Variants in KCNJ3 observed in about 807,000 individuals in gnomAD.
KCNJ3 encodes G protein-activated inward rectifier potassium channel 1.
In KCNJ3, 4 loss-of-function variants were observed where a neutral mutation model predicts 39.2. The ratio of observed to expected loss-of-function variants is 0.10; its 90% CI spans 0.05 to 0.23. The LOEUF is 0.23. Among genes scored for constraint, KCNJ3 ranks in the 10% least tolerant of loss-of-function variants. The probability of loss-of-function intolerance (pLI) is 1.00; values close to 1 mark genes in which losing one functional copy is unlikely to be tolerated. For missense variants in KCNJ3, 276 were observed against 634.9 expected (o/e 0.43, Z 6.08); for synonymous variants, 230 against 237.4 (o/e 0.97, Z 0.29).
intron 2 of KCNJ3, among the ~76,000 whole-genome samples, chr2:154,833,917 A>G (rs1687405934): frequency 6.6e-6 from 1 of 151,966 alleles, no homozygotes; most frequent in Admixed American, 6.6e-5. Flanking sequence ...TGGCTGTACC[A>G]CAGTCTGTCT....
rs1245056216 is a variant in KCNJ3 at position 154,773,994 on chromosome 2, A to G, written c.919+64175A>G. The stretch of plus-strand genomic sequence containing the variant: ...TTCCCTGGAGTTCATATTTCCATAT[A>G]TATCATCCCAATGAGCTGCAAAGAA... On this transcript the variant is annotated intron_variant, in intron 2 of 2. Transcript: ENST00000295101. 2.0e-5 allele frequency among the ~76,000 whole-genome samples: 3 copies of G among 152,280 alleles called. No homozygotes were observed. The East Asian group carries it at 5.8e-4, about 29-fold the overall frequency.
chr2:154,752,865 A>G (rs1011581251), intron 2 of KCNJ3, among the ~76,000 whole-genome samples: 5 of 152,194 alleles, frequency 3.3e-5, no homozygotes, highest in African/African-American at 1.2e-4. Context: ...AAATTTCTGT[A>G]TTGTAAAAAC....
intron 2 of KCNJ3, among the ~76,000 whole-genome samples, chr2:154,790,396 A>G (rs1574463635): frequency 1.3e-5 from 2 of 152,186 alleles, no homozygotes; most frequent in South Asian, 4.1e-4. Context: ...ATTGTTGCAT[A>G]AACTTCAATC....
At chr2:154,705,893 C>T (rs1163982364) in intron 1 of KCNJ3, among the ~76,000 whole-genome samples, 1 of 151,986 alleles carries the variant, frequency 6.6e-6, no homozygotes, top group Non-Finnish European at 1.5e-5. Context: ...ACCTTTATTT[C>T]CTTCCCAAGA....
At chr2:154,838,691 T>A (rs1275858423) in intron 2 of KCNJ3, among the ~76,000 whole-genome samples, 1 of 152,214 alleles carries the variant, frequency 6.6e-6, no homozygotes, top group African/African-American at 2.4e-5. Context: ...ATTTTGTTTA[T>A]TTTATATAAA....
At chr2:154,811,572 A>G (rs1461270926) in intron 2 of KCNJ3, among the ~76,000 whole-genome samples, 3 of 152,148 alleles carry the variant, frequency 2.0e-5, no homozygotes, top group Non-Finnish European at 2.9e-5. Context: ...GATTACAGGC[A>G]TGAACCACTG....
Position 154,721,004 on chromosome 2 carries a change from C to A in KCNJ3, c.919+11185C>A, listed in dbSNP as rs561603067. On this transcript the variant is annotated intron_variant, in intron 2 of 2. Transcript: ENST00000295101. ...CCAAAAATGTTTCAGCATGTGTTAT[C>A]TAGTTTTTTTTTTCTATTTTTGCTT... Among the ~76,000 whole-genome samples, 26 of 150,882 alleles carry A rather than the reference C, an allele frequency of 1.7e-4. 1 individual carries two copies. In the South Asian group the frequency reaches 5.2e-3, roughly 30 times the overall value.
At chr2:154,734,958 C>G (rs1315982345) in intron 2 of KCNJ3, among the ~76,000 whole-genome samples, 1 of 152,052 alleles carries the variant, frequency 6.6e-6, no homozygotes. Context: ...ACATTTTTTC[C>G]TCCCACATCA....
At chr2:154,778,233 T>A (rs1302922206) in intron 2 of KCNJ3, among the ~76,000 whole-genome samples, 1 of 152,146 alleles carries the variant, frequency 6.6e-6, no homozygotes, top group African/African-American at 2.4e-5. Context: ...AACTCATATT[T>A]TGAAAAAAAA....
At chr2:154,790,648 A>T (rs1441700303) in intron 2 of KCNJ3, among the ~76,000 whole-genome samples, 2 of 152,130 alleles carry the variant, frequency 1.3e-5, no homozygotes, top group South Asian at 4.1e-4. Flanking sequence ...AGTGTTGGTT[A>T]TCACAAGATA....
chr2:154,762,206 T>G (rs1273838604), intron 2 of KCNJ3, among the ~76,000 whole-genome samples: 1 of 152,234 alleles, frequency 6.6e-6, no homozygotes, highest in Non-Finnish European at 1.5e-5. Context: ...TGTGGCAATT[T>G]TTTTACAGCA....
At chr2:154,776,006 T>C (rs1196365607) in intron 2 of KCNJ3, among the ~76,000 whole-genome samples, 2 of 46,556 alleles carry the variant, frequency 4.3e-5, no homozygotes, top group Non-Finnish European at 1.0e-4. Flanking sequence ...GAAGTGATTC[T>C]TTTTTTTTTT....
chr2:154,721,657 G>A (rs1412561411), intron 2 of KCNJ3, among the ~76,000 whole-genome samples: 5 of 150,958 alleles, frequency 3.3e-5, no homozygotes, highest in Admixed American at 6.6e-5. Flanking sequence ...GATAAGAGTT[G>A]GAAAAAAAGG....
At chr2:154,803,403 G>T (rs1387416613) in intron 2 of KCNJ3, among the ~76,000 whole-genome samples, 3 of 151,808 alleles carry the variant, frequency 2.0e-5, no homozygotes, top group African/African-American at 7.2e-5. Context: ...CTTTTATAAT[G>T]TTATTTTTAA....
At chr2:154,792,725 T>A (rs1686657032) in intron 2 of KCNJ3, among the ~76,000 whole-genome samples, 1 of 152,104 alleles carries the variant, frequency 6.6e-6, no homozygotes, top group South Asian at 2.1e-4. Context: ...CACAGAATGG[T>A]TGTCCTTGTT....
chr2:154,773,042 T>A (rs1050138749), intron 2 of KCNJ3, among the ~76,000 whole-genome samples: 1 of 151,990 alleles, frequency 6.6e-6, no homozygotes, highest in Admixed American at 6.6e-5. Context: ...GGATTGCAAA[T>A]TGCCCCGAAT....
chr2:154,850,496 C>A (rs906492690), intron 2 of KCNJ3, among the ~76,000 whole-genome samples: 2 of 152,188 alleles, frequency 1.3e-5, no homozygotes, highest in East Asian at 3.9e-4. Flanking sequence ...TCAATTATAT[C>A]TTATCTTAGT....
intron 2 of KCNJ3, among the ~76,000 whole-genome samples, chr2:154,820,964 C>T (rs1343836209): frequency 6.6e-6 from 1 of 152,140 alleles, no homozygotes; most frequent in Non-Finnish European, 1.5e-5. Flanking sequence ...TTTTCTCTTT[C>T]ATTTGGTTTG....
rs1038710639 is a variant in KCNJ3 at position 154,706,103 on chromosome 2, T to C, written c.703-3500T>C. On this transcript the variant is annotated intron_variant, in intron 1 of 2. Transcript: ENST00000295101. ...AAAGTCAAACTTAGTAATCAACTTCTTATAAATTTAAATAATTTACTGCAT... is the reference window on the plus strand; with the variant it reads ...AAAGTCAAACTTAGTAATCAACTTCCTATAAATTTAAATAATTTACTGCAT... Among the ~76,000 whole-genome samples the C allele has an allele frequency of 8.4e-4, 128 of 152,270 alleles. 1 individual carries two copies. The highest frequency in any genetic ancestry group is 3.0e-3 in the African/African-American group (123 of 41,572).
Sources: allele counts gnomAD v4.1 joint callset (sites outside exome capture counted in the v4.1 genomes callset), GRCh38; gene constraint gnomAD v4.1.1; transcripts MANE v1.5; gene names NCBI Gene and HGNC (gene_info 2026-07-23, HGNC 2026-07-21).